RPL6: variants seen among roughly 807,000 people sequenced by gnomAD.
The protein encoded by RPL6 is ribosomal protein L6, also known as large ribosomal subunit protein eL6.
A neutral mutation model predicts 32.1 loss-of-function variants in RPL6; 1 was observed. That is an observed-to-expected ratio of 0.03 (90% CI 0.01 to 0.15). The LOEUF (loss-of-function observed/expected upper bound fraction) is 0.15, where lower values mean the gene tolerates loss of function less well. Among genes scored for constraint, RPL6 ranks in the 10% least tolerant of loss-of-function variants. The pLI is 1.00. For missense variants in RPL6, 275 were observed against 354.6 expected, an observed-to-expected ratio of 0.78 and a Z score of 1.80; for synonymous variants, 126 against 131.6, an observed-to-expected ratio of 0.96 and a Z score of 0.29.
intron 1 of RPL6, among the ~76,000 whole-genome samples, chr12:112,416,380 C>A (rs905771066): frequency 6.6e-6 from 1 of 151,980 alleles, no homozygotes; most frequent in African/African-American, 2.4e-5. Context: ...ACCTCGTGAT[C>A]CGCCCGCCTC....
At chr12:112,405,429 G>T in intron 6 of RPL6, 53 bp from the exon 7 acceptor site, 2 of 1,563,532 alleles carry the variant, frequency 1.3e-6, no homozygotes, top group South Asian at 2.3e-5. Context: ...CAAATTACTT[G>T]TAGGTCAACT....
In RPL6 at chr12:112,406,254, G is replaced by C. The variant is rs780717756; in HGVS notation, c.529+40C>G. 62 of 1,557,042 alleles carry C rather than the reference G, an allele frequency of 4.0e-5. 1 individual carries two copies. Among genetic ancestry groups the C allele is most frequent in the Non-Finnish European group, 5.4e-5 (61 of 1,130,350 alleles). ...GTGTATACTGCAAGCATTTAAAAAT[G>C]GAAGTTTCACAGAACATCACAATCC... On this transcript the variant is annotated intron_variant, in intron 5 of 6. Transcript: ENST00000202773.
At chr12:112,406,158 A>G in intron 5 of RPL6, 121 bp from the exon 6 acceptor site, 1 of 1,202,400 alleles carries the variant, frequency 8.3e-7, no homozygotes, top group East Asian at 2.3e-5. Flanking sequence ...CCACTTGCAC[A>G]CAAGGCAATG....
intron 6 of RPL6, 73 bp from the exon 7 acceptor site, chr12:112,405,449 TG>T: frequency 7.0e-7 from 1 of 1,437,748 alleles, no homozygotes; most frequent in South Asian, 1.2e-5. Context: ...TAAGGAGTCC[TG>T]TCTCACAAGT....
At chr12:112,418,831 C>A in exon 1 of RPL6, 1 of 496,082 alleles carries the variant, frequency 2.0e-6, no homozygotes, top group Non-Finnish European at 3.6e-6. Flanking sequence ...GCTCGGTCCT[C>A]CGCTGACGGG....
chr12:112,408,808 T>C (rs1594109482), intron 1 of RPL6, 152 bp from the exon 2 acceptor site: 1 of 665,238 alleles, frequency 1.5e-6, no homozygotes, highest in East Asian at 2.7e-5. Flanking sequence ...CTCTACCCAT[T>C]CTACTCCAAC....
chr12:112,411,881 CT>C (rs937776010), upstream of RPL6, among the ~76,000 whole-genome samples: 215 of 144,368 alleles, frequency 1.5e-3, no homozygotes, highest in African/African-American at 1.7e-3. Flanking sequence ...GACACTTAAT[CT>C]TTTTTTTTTT....
Position 112,406,878 on chromosome 12 carries a change from G to A in RPL6, c.349C>T (p.Pro117Ser), listed in dbSNP as rs1436413427. 6.2e-7 allele frequency: 1 copy of A among 1,614,222 alleles called. No individual in the cohort carries two copies. Among genetic ancestry groups the A allele is most frequent in the Non-Finnish European group, 8.5e-7 (1 of 1,180,032 alleles). ...AGCTTTCGAGGCACATCTTCAGTAGGATAATATCTAGGCTGTGGAGAGTCC... is the reference window on the plus strand; with the variant it reads ...AGCTTTCGAGGCACATCTTCAGTAGAATAATATCTAGGCTGTGGAGAGTCC... ...VKLRKMPRYY[P>S]TEDVPRKLLS... is the part of the protein sequence containing the mutation. The change falls in exon 4 of 7, where the codon CCT becomes TCT. Residue 117 changes from proline (P) to serine (S), a missense_variant. Physicochemically the swap from Pro to Ser is moderately conservative, Grantham distance 74. Coordinates refer to ENST00000202773, the MANE Select transcript of RPL6 (RefSeq NM_000970.6).
intron 5 of RPL6, 69 bp downstream of exon 5, chr12:112,406,225 A>T: frequency 7.1e-7 from 1 of 1,410,802 alleles, no homozygotes. Flanking sequence ...AGTAGCAAAC[A>T]AACGTGTATA....
exon 1 of RPL6, chr12:112,418,829 C>G (rs1566150013): frequency 1.0e-5 from 5 of 493,308 alleles, no homozygotes; most frequent in Non-Finnish European, 1.8e-5. Flanking sequence ...TCGCTCGGTC[C>G]TCCGCTGACG....
chr12:112,406,072 G>A, intron 5 of RPL6, 35 bp from the exon 6 acceptor site: 1 of 1,553,572 alleles, frequency 6.4e-7, no homozygotes, highest in Non-Finnish European at 8.8e-7. Flanking sequence ...AAGGAAAAGG[G>A]GGAAGAATCA....
upstream of RPL6, among the ~76,000 whole-genome samples, chr12:112,412,923 C>CAAATAAAT (rs55801942): frequency 5.3e-4 from 78 of 146,440 alleles, no homozygotes; most frequent in African/African-American, 1.2e-3. Context: ...GACTCTGTCT[C>CAAATAAAT]AAATAAATAA....
At chr12:112,406,579 C>G (rs2037174729) in intron 4 of RPL6, 168 bp downstream of exon 4, 1 of 972,866 alleles carries the variant, frequency 1.0e-6, no homozygotes, top group Non-Finnish European at 1.5e-6. Flanking sequence ...TAATAAATCA[C>G]CATGGATTAC....
At chr12:112,418,107 G>C (rs1246492401) in intron 1 of RPL6, among the ~76,000 whole-genome samples, 1 of 151,994 alleles carries the variant, frequency 6.6e-6, no homozygotes, top group Admixed American at 6.6e-5. Context: ...AGACTCCCAA[G>C]CAGCTGGGAC....
In RPL6 at chr12:112,405,284, G is replaced by A; in HGVS notation, c.807C>T (p.Gly269=). 6.2e-7 allele frequency: 1 copy of A among 1,608,996 alleles called. No homozygotes were observed. Among genetic ancestry groups the A allele is most frequent in the Non-Finnish European group, 8.5e-7 (1 of 1,178,294 alleles). ...PKIKAIPQLQ[G]YLRSVFALTN... ...TCAGAGCAAACACAGATCGCAGGTAGCCCTGGAGCTGAGGAATAGCTTTGA... is the reference window on the plus strand; with the variant it reads ...TCAGAGCAAACACAGATCGCAGGTAACCCTGGAGCTGAGGAATAGCTTTGA... The change falls in exon 7 of 7, where the codon GGC becomes GGT. Residue 269 remains glycine (G), a synonymous_variant. Coordinates refer to ENST00000202773, the MANE Select transcript of RPL6 (RefSeq NM_000970.6).
upstream of RPL6, among the ~76,000 whole-genome samples, chr12:112,413,517 G>A (rs1432335352): frequency 2.0e-5 from 3 of 152,056 alleles, no homozygotes; most frequent in Admixed American, 6.6e-5. Flanking sequence ...CAGCCTGGGC[G>A]ACAGAGTGAA....
At chr12:112,414,618 T>G (rs894098406), upstream of RPL6, among the ~76,000 whole-genome samples, 4 of 152,270 alleles carry the variant, frequency 2.6e-5, no homozygotes, top group African/African-American at 9.6e-5. Flanking sequence ...AGAACTTAAT[T>G]GGCAGCCAGG....
chr12:112,406,882 A>G lies in RPL6; in HGVS notation c.345T>C (p.Tyr115=), dbSNP rs17856609. Residue 115 remains tyrosine, a synonymous_variant, in exon 4 of 7, where the codon TAT becomes TAC. Transcript: ENST00000202773. ...RVVKLRKMPR[Y]YPTEDVPRKL... ...TTCGAGGCACATCTTCAGTAGGATA[A>G]TATCTAGGCTGTGGAGAGTCCATAG... 2.5e-6 allele frequency: 4 copies of G among 1,614,128 alleles called. No homozygotes were observed. Among genetic ancestry groups the G allele is most frequent in the Admixed American group, 3.3e-5 (2 of 60,008 alleles).
intron 3 of RPL6, 176 bp from the exon 4 acceptor site, chr12:112,407,066 C>A: frequency 1.6e-6 from 1 of 610,650 alleles, no homozygotes; most frequent in Non-Finnish European, 2.8e-6. Context: ...TATGCTTCTG[C>A]ATCCTGTGTG....
Sources: allele counts gnomAD v4.1 joint callset (sites outside exome capture counted in the v4.1 genomes callset), GRCh38; gene constraint gnomAD v4.1.1; transcripts MANE v1.5; gene names NCBI Gene and HGNC (gene_info 2026-07-23, HGNC 2026-07-21).